Variants in PTPN12 observed in about 807,000 individuals in gnomAD.
PTPN12 encodes the protein tyrosine-protein phosphatase non-receptor type 12.
In PTPN12, 29 loss-of-function variants were observed where a neutral mutation model predicts 97.6. That is an observed-to-expected ratio of 0.30 (90% CI 0.22 to 0.41). The LOEUF (loss-of-function observed/expected upper bound fraction) is 0.41, where lower values mean the gene tolerates loss of function less well. PTPN12 is among the 10% of genes least tolerant of loss of function. The probability of loss-of-function intolerance (pLI) is 1.00; values close to 1 mark genes in which losing one functional copy is unlikely to be tolerated. For missense variants in PTPN12, 819 were observed against 926.0 expected (o/e 0.88, Z 1.50); for synonymous variants, 327 against 300.4 (o/e 1.09, Z -0.91).
chr7:77,559,540 G>A (rs1807901771), intron 1 of PTPN12, among the ~76,000 whole-genome samples: 1 of 152,078 alleles, frequency 6.6e-6, no homozygotes, highest in Non-Finnish European at 1.5e-5. Flanking sequence ...TGTTATTTAG[G>A]ACAAGGAGAT....
At chr7:77,605,048 A>G (rs1252371306) in intron 8 of PTPN12, 1 of 166,278 alleles carries the variant, frequency 6.0e-6, no homozygotes, top group African/African-American at 2.4e-5. Flanking sequence ...TTAGATATAT[A>G]TAATTTATCC....
At chr7:77,637,718 G>A (rs1472985176) in intron 16 of PTPN12, among the ~76,000 whole-genome samples, 1 of 151,320 alleles carries the variant, frequency 6.6e-6, no homozygotes, top group African/African-American at 2.4e-5. Flanking sequence ...ATAGCTAGGC[G>A]TCATGCCATC....
At chr7:77,614,422 C>T (rs1351494655) in intron 11 of PTPN12, among the ~76,000 whole-genome samples, 1 of 152,056 alleles carries the variant, frequency 6.6e-6, no homozygotes. Flanking sequence ...ATAAAAAAGT[C>T]ATACTTTGTA....
At chr7:77,612,439 GTTTTA>G (rs1290282230) in intron 11 of PTPN12, among the ~76,000 whole-genome samples, 4 of 152,044 alleles carry the variant, frequency 2.6e-5, no homozygotes, top group African/African-American at 4.8e-5. Flanking sequence ...TTTTTGTTTT[GTTTTA>G]TTTTGTTTTT....
chr7:77,559,844 A>G (rs1264690586), intron 1 of PTPN12, among the ~76,000 whole-genome samples: 2 of 152,248 alleles, frequency 1.3e-5, no homozygotes, highest in East Asian at 3.8e-4. Flanking sequence ...AGAAAAAGAA[A>G]TAGGTTATTA....
chr7:77,539,379 T>C (rs1229682150), intron 1 of PTPN12, among the ~76,000 whole-genome samples: 1 of 152,230 alleles, frequency 6.6e-6, no homozygotes, highest in Non-Finnish European at 1.5e-5. Context: ...ACATTTGCTC[T>C]TGATATTTAG....
chr7:77,590,484 G>C (rs1269069477), intron 5 of PTPN12, among the ~76,000 whole-genome samples: 2 of 152,102 alleles, frequency 1.3e-5, no homozygotes, highest in Non-Finnish European at 2.9e-5. Flanking sequence ...GCTAGGGTGG[G>C]AGAATTGCTT....
chr7:77,620,619 A>T lies in PTPN12; in HGVS notation c.1025+2054A>T, dbSNP rs117782641. The stretch of plus-strand genomic sequence containing the variant: ...AGTAAAATAGTATATTTTGTTTTTC[A>T]GTATGGCTACAGTAAACACATTAAT... On this transcript the variant is annotated intron_variant, in intron 12 of 17. Coordinates refer to ENST00000248594, the MANE Select transcript of PTPN12 (RefSeq NM_002835.4). Among the ~76,000 whole-genome samples the T allele has an allele frequency of 7.9e-5, 12 of 152,360 alleles. 1 individual carries two copies. In the East Asian group the frequency reaches 2.3e-3, roughly 29 times the overall value.
At chr7:77,584,659 C>T (rs527486758) in intron 4 of PTPN12, among the ~76,000 whole-genome samples, 25 of 152,198 alleles carry the variant, frequency 1.6e-4, no homozygotes, top group South Asian at 4.1e-4. Flanking sequence ...GGGCAGATCA[C>T]GAGGTCAGGA....
intron 13 of PTPN12, 48 bp from the exon 14 acceptor site, chr7:77,632,300 G>T (rs746106925): frequency 7.5e-7 from 1 of 1,324,656 alleles, no homozygotes; most frequent in Non-Finnish European, 1.1e-6. Flanking sequence ...CTCTGATTTT[G>T]TTTAGATGAC....
At chr7:77,633,558 G>A (rs1473734371) in intron 14 of PTPN12, among the ~76,000 whole-genome samples, 1 of 151,238 alleles carries the variant, frequency 6.6e-6, no homozygotes, top group African/African-American at 2.4e-5. Context: ...GGAGTGAGCC[G>A]AGACCATGCC....
In PTPN12 at chr7:77,621,906, A is replaced by G. The variant is rs116095570; in HGVS notation, c.1025+3341A>G. 6.0e-3 allele frequency among the ~76,000 whole-genome samples: 914 copies of G among 152,322 alleles called. 6 individuals carry two copies. The highest frequency in any genetic ancestry group is 0.021 in the African/African-American group (876 of 41,576). ...TTATGTGTGGCCCATCATTGACTGA[A>G]ACGTCACATGACTGTACATGTCTTT... On this transcript the variant is annotated intron_variant, in intron 12 of 17. Coordinates refer to ENST00000248594, the MANE Select transcript of PTPN12 (RefSeq NM_002835.4).
chr7:77,613,517 A>C (rs1358076373), intron 11 of PTPN12, among the ~76,000 whole-genome samples: 2 of 152,020 alleles, frequency 1.3e-5, no homozygotes, highest in African/African-American at 4.8e-5. Flanking sequence ...TTATTCCATG[A>C]ATTCAAGATT....
chr7:77,591,223 C>T (rs1177542741), intron 5 of PTPN12, among the ~76,000 whole-genome samples: 1 of 152,150 alleles, frequency 6.6e-6, no homozygotes, highest in Non-Finnish European at 1.5e-5. Flanking sequence ...GTAATAACTC[C>T]ATTTACTGTA....
intron 11 of PTPN12, among the ~76,000 whole-genome samples, chr7:77,617,438 C>T (rs1412884446): frequency 6.6e-6 from 1 of 152,088 alleles, no homozygotes; most frequent in Non-Finnish European, 1.5e-5. Context: ...AGATAGGGTG[C>T]ACTTAAAATT....
At chr7:77,600,193 G>C (rs141236938) in intron 7 of PTPN12, among the ~76,000 whole-genome samples, 1 of 152,234 alleles carries the variant, frequency 6.6e-6, no homozygotes, top group East Asian at 1.9e-4. Flanking sequence ...TTCTTTTTCA[G>C]TTTAATGTTC....
rs181900031 is a variant in PTPN12, at chr7:77,558,075, G to A, written c.100-13003G>A. 9.9e-4 allele frequency among the ~76,000 whole-genome samples: 151 copies of A among 151,938 alleles called. 1 individual carries two copies. Among genetic ancestry groups the A allele is most frequent in the African/African-American group, 3.5e-3 (145 of 41,456 alleles). ...AAAATAGAAAAATTAGCTGGGCCTG[G>A]TGGTGGGCGCGTGTAATCCCAGCTA... On this transcript the variant is annotated intron_variant, in intron 1 of 17. Coordinates refer to ENST00000248594, the MANE Select transcript of PTPN12 (RefSeq NM_002835.4).
At chr7:77,567,269 T>G (rs80014710) in intron 1 of PTPN12, among the ~76,000 whole-genome samples, 1,549 of 152,066 alleles carry the variant, frequency 0.01, 34 homozygotes, top group African/African-American at 0.036. Context: ...ACAGAGTTTA[T>G]TGTTTAACAG....
At chr7:77,625,408 C>T (rs1394479716) in intron 12 of PTPN12, among the ~76,000 whole-genome samples, 3 of 143,696 alleles carry the variant, frequency 2.1e-5, no homozygotes, top group Non-Finnish European at 4.5e-5. Flanking sequence ...TGCATTGCCA[C>T]ATCCAGTTAA....
Sources: gnomAD v4.1 joint callset for allele counts (sites outside exome capture counted in the v4.1 genomes callset) on GRCh38, gnomAD v4.1.1 for gene constraint, MANE v1.5 for transcripts, NCBI Gene and HGNC (gene_info 2026-07-23, HGNC 2026-07-21) for gene names.